Variants in ANTXR1 observed in about 807,000 individuals in gnomAD.
ANTXR1 encodes the protein ANTXR cell adhesion molecule 1.
In ANTXR1, 19 loss-of-function variants were observed where a neutral mutation model predicts 78.1. That is an observed-to-expected ratio of 0.24 (90% CI 0.17 to 0.36). ANTXR1 has a LOEUF of 0.36. Ranked by LOEUF, ANTXR1 falls within the 10% of genes least tolerant of loss-of-function variation. The pLI is 1.00. For synonymous variants in ANTXR1, 273 were observed against 260.5 expected (o/e 1.05, Z -0.46); for missense variants, 518 against 718.6 (o/e 0.72, Z 3.19).
intron 14 of ANTXR1, among the ~76,000 whole-genome samples, chr2:69,176,062 T>C (rs1368473577): frequency 6.7e-6 from 1 of 150,038 alleles, no homozygotes; most frequent in Non-Finnish European, 1.5e-5. Context: ...GACCATTAAA[T>C]ACACATACAC....
intron 16 of ANTXR1, among the ~76,000 whole-genome samples, chr2:69,191,239 GCAAGACAAAGTTTAACCCA>G (rs1674536959): frequency 6.6e-6 from 1 of 152,054 alleles, no homozygotes; most frequent in African/African-American, 2.4e-5. Context: ...ACTACACTTG[GCAAGACAAAGTTTAACCCA>G]CAAGACAAAG....
intron 17 of ANTXR1, among the ~76,000 whole-genome samples, chr2:69,217,326 T>G (rs552048939): frequency 6.6e-6 from 1 of 152,218 alleles, no homozygotes; most frequent in Non-Finnish European, 1.5e-5. Context: ...AATGAGGCCT[T>G]ACTGGAGAGG....
chr2:69,127,938 A>G (rs764891978), intron 12 of ANTXR1, among the ~76,000 whole-genome samples: 9 of 152,170 alleles, frequency 5.9e-5, no homozygotes, highest in Non-Finnish European at 1.0e-4. Flanking sequence ...TAAGTTGTTT[A>G]GCCCCTAGCC....
intron 17 of ANTXR1, among the ~76,000 whole-genome samples, chr2:69,233,346 G>C (rs1436892811): frequency 6.6e-6 from 1 of 151,742 alleles, no homozygotes; most frequent in African/African-American, 2.4e-5. Flanking sequence ...GTGAATTTGG[G>C]TGCAAAAATC....
chr2:69,077,241 G>A (rs945515811), intron 7 of ANTXR1, 167 bp from the exon 8 acceptor site: 2 of 693,410 alleles, frequency 2.9e-6, no homozygotes, highest in Non-Finnish European at 5.1e-6. Flanking sequence ...TGGTGAGCTT[G>A]TTATTACTGA....
intron 13 of ANTXR1, 127 bp downstream of exon 13, chr2:69,152,391 T>TG: frequency 1.1e-6 from 1 of 934,432 alleles, no homozygotes; most frequent in Non-Finnish European, 1.7e-6. Flanking sequence ...TTTATACAAT[T>TG]TATACAAAAT....
At chr2:69,022,509 A>G (rs1325789169) in intron 1 of ANTXR1, among the ~76,000 whole-genome samples, 1 of 152,236 alleles carries the variant, frequency 6.6e-6, no homozygotes, top group Non-Finnish European at 1.5e-5. Context: ...TCCAAGAACC[A>G]CATCTGGGCA....
chr2:69,132,566 C>T (rs1672782599), intron 12 of ANTXR1, among the ~76,000 whole-genome samples: 1 of 152,202 alleles, frequency 6.6e-6, no homozygotes, highest in South Asian at 2.1e-4. Context: ...GGCAATCTCA[C>T]CTTCCAACAT....
At chr2:69,106,033 T>TA (rs1240369978) in intron 10 of ANTXR1, among the ~76,000 whole-genome samples, 1 of 152,252 alleles carries the variant, frequency 6.6e-6, no homozygotes, top group Non-Finnish European at 1.5e-5. Context: ...AAGTTAGAGA[T>TA]ATAGAGCATA....
At chr2:69,035,657 G>A (rs1196159582) in intron 1 of ANTXR1, among the ~76,000 whole-genome samples, 1 of 152,130 alleles carries the variant, frequency 6.6e-6, no homozygotes, top group Non-Finnish European at 1.5e-5. Context: ...TTTGGTCAAG[G>A]CTTAAATAAT....
chr2:69,122,968 A>G lies in ANTXR1; in HGVS notation c.803-49A>G, dbSNP rs767423011. ...TTCTCTAGAAGTCATTGAATTTGAA[A>G]TTATAAACTCACCTCCCTCTTCTTA... On this transcript the variant is annotated intron_variant, in intron 10 of 17. Coordinates refer to ENST00000303714, the MANE Select transcript of ANTXR1 (RefSeq NM_032208.3). 7 of 1,589,736 alleles carry G rather than the reference A, an allele frequency of 4.4e-6. No individual in the cohort carries two copies. The African/African-American group carries it at 8.1e-5, about 18-fold the overall frequency.
chr2:69,120,837 T>C (rs777280402), intron 10 of ANTXR1, among the ~76,000 whole-genome samples: 1 of 152,208 alleles, frequency 6.6e-6, no homozygotes, highest in Non-Finnish European at 1.5e-5. Flanking sequence ...TAGTTCCCTG[T>C]TGCGCTTAGA....
chr2:69,146,488 T>A, intron 12 of ANTXR1: 1 of 719,532 alleles, frequency 1.4e-6, no homozygotes, highest in Non-Finnish European at 1.7e-6. Context: ...CTCTGGAATC[T>A]TTTTCAAAGG....
chr2:69,177,939 C>T (rs1450152627), intron 14 of ANTXR1, among the ~76,000 whole-genome samples: 1 of 152,182 alleles, frequency 6.6e-6, no homozygotes, highest in Non-Finnish European at 1.5e-5. Flanking sequence ...CAATTGGGCT[C>T]ATCCAGCCCC....
chr2:69,182,581 A>G lies in ANTXR1; in HGVS notation c.1274A>G (p.Tyr425Cys). ...AGAGTCAAGATGCCGGAGCAGGAAT[A>G]TGAATTCCCTGAGCCGCGAAATCTC... ...NARVKMPEQE[Y>C]EFPEPRNLNN... The change falls in exon 16 of 18, where the codon TAT becomes TGT. Residue 425 changes from tyrosine to cysteine, a missense_variant. Tyr to Cys is a radical substitution (Grantham distance 194). This residue lies in a region of ANTXR1 where 192 missense variants were observed against 230.2 expected (regional missense o/e 0.83). Transcript: ENST00000303714. 1.2e-6 allele frequency: 2 copies of G among 1,614,248 alleles called. No homozygotes were observed. Among genetic ancestry groups the G allele is most frequent in the South Asian group, 1.1e-5 (1 of 91,088 alleles).
chr2:69,100,683 T>C (rs1671580825), intron 9 of ANTXR1, among the ~76,000 whole-genome samples: 1 of 152,196 alleles, frequency 6.6e-6, no homozygotes, highest in Non-Finnish European at 1.5e-5. Flanking sequence ...ACATTTGGAA[T>C]CAGCAAAAAC....
At chr2:69,215,243 CT>C (rs1394619921) in intron 17 of ANTXR1, among the ~76,000 whole-genome samples, 1 of 152,188 alleles carries the variant, frequency 6.6e-6, no homozygotes, top group Non-Finnish European at 1.5e-5. Context: ...GAAATCTCTA[CT>C]GGAAGGGTCT....
At chr2:69,042,183 A>G (rs1412073458) in intron 2 of ANTXR1, among the ~76,000 whole-genome samples, 2 of 152,128 alleles carry the variant, frequency 1.3e-5, no homozygotes, top group African/African-American at 4.8e-5. Context: ...GATTTTTGAC[A>G]TTTTGAGTCC....
intron 17 of ANTXR1, among the ~76,000 whole-genome samples, chr2:69,210,406 A>G (rs1157588338): frequency 2.6e-5 from 4 of 152,198 alleles, no homozygotes; most frequent in Non-Finnish European, 5.9e-5. Flanking sequence ...GCCTTGCTAT[A>G]TTCCAAAATC....
Sources: gnomAD v4.1 joint callset for allele counts (sites outside exome capture counted in the v4.1 genomes callset) on GRCh38, gnomAD v4.1.1 for gene constraint, gnomAD v4.1.1 regional missense constraint, MANE v1.5 for transcripts, NCBI Gene and HGNC (gene_info 2026-07-23, HGNC 2026-07-21) for gene names.